Variants in USP12 observed in about 807,000 individuals in gnomAD.
USP12 encodes ubiquitin specific peptidase 12.
In USP12, 19 loss-of-function variants were observed where a neutral mutation model predicts 45.5. The ratio of observed to expected loss-of-function variants is 0.42; its 90% CI spans 0.29 to 0.61. The LOEUF (loss-of-function observed/expected upper bound fraction) is 0.61, where lower values mean the gene tolerates loss of function less well. Ranked by LOEUF, USP12 falls within the 20% of genes least tolerant of loss-of-function variation. The pLI is 0.22. For synonymous variants in USP12, 149 were observed against 148.8 expected, an observed-to-expected ratio of 1.00 and a Z score of -0.01; for missense variants, 242 against 447.7, an observed-to-expected ratio of 0.54 and a Z score of 4.15.
At chr13:27,136,251 C>T (rs1876799882) in intron 1 of USP12, among the ~76,000 whole-genome samples, 1 of 152,130 alleles carries the variant, frequency 6.6e-6, no homozygotes, top group African/African-American at 2.4e-5. Flanking sequence ...CCTGTAATTA[C>T]CCAGCACTTT....
At chr13:27,103,607 A>AAAAAATAAT (rs372985958) in intron 3 of USP12, among the ~76,000 whole-genome samples, 2,678 of 128,450 alleles carry the variant, frequency 0.021, 75 homozygotes, top group African/African-American at 0.055. Flanking sequence ...TCAAAAAAAA[A>AAAAAATAAT]AATAATAATA....
intron 2 of USP12, among the ~76,000 whole-genome samples, chr13:27,114,208 A>G (rs1875603606): frequency 6.6e-6 from 1 of 152,182 alleles, no homozygotes; most frequent in Non-Finnish European, 1.5e-5. Context: ...CATACAATAA[A>G]ACAATGAAAA....
At chr13:27,165,908 TG>T (rs1280646657) in intron 1 of USP12, among the ~76,000 whole-genome samples, 1 of 151,918 alleles carries the variant, frequency 6.6e-6, no homozygotes, top group Non-Finnish European at 1.5e-5. Context: ...GTTCTAGAAA[TG>T]GGCTACAGAG....
chr13:27,068,725 C>T lies in USP12; in HGVS notation c.*558G>A, dbSNP rs923939590. 1 of 153,956 alleles carries T rather than the reference C, an allele frequency of 6.5e-6. No individual in the cohort carries two copies. The highest frequency in any genetic ancestry group is 2.4e-5 in the African/African-American group (1 of 41,454). The allele number at this position is 153,956 out of a possible 1,614,324, so 9.5% of individuals were successfully genotyped here. A position where few individuals can be genotyped will look rare whatever the true frequency, so the allele number is the denominator to read the frequency against. Reference sequence around the variant, plus strand: ...TACTGTATATTATTATAAGCTTCTTCAGAGAAGCAAAACATCTTTGTCTTC... The same window carrying T: ...TACTGTATATTATTATAAGCTTCTTTAGAGAAGCAAAACATCTTTGTCTTC... On this transcript the variant is annotated 3_prime_UTR_variant, in exon 9 of 9. Coordinates refer to ENST00000282344, the MANE Select transcript of USP12 (RefSeq NM_182488.4).
Position 27,087,099 on chromosome 13 carries a change from CTG to C in USP12, c.734+2782_734+2783del, listed in dbSNP as rs72206222. Among the ~76,000 whole-genome samples, 462 of 146,400 alleles carry C rather than the reference CTG, an allele frequency of 3.2e-3. 1 individual carries two copies. Among genetic ancestry groups the C allele is most frequent in the Middle Eastern group, 7.0e-3 (2 of 286 alleles). On this transcript the variant is annotated intron_variant, in intron 6 of 8. Transcript: ENST00000282344. Reference sequence around the variant, plus strand: ...GGAAGTCAAAGCAGAGGGGAAGGGGCTGTGTGTGTGTGTGTGTGTGTGTGCGT... The same window carrying C: ...GGAAGTCAAAGCAGAGGGGAAGGGGCTGTGTGTGTGTGTGTGTGTGTGCGT...
chr13:27,075,242 G>A lies in USP12; in HGVS notation c.881C>T (p.Thr294Ile), dbSNP rs1873422944. 1 of 1,613,828 alleles carries A rather than the reference G, an allele frequency of 6.2e-7. No homozygotes were observed. Among genetic ancestry groups the A allele is most frequent in the African/African-American group, 1.3e-5 (1 of 74,914 alleles). ...AAGGTCGTACATTCTGTCTGGATTG[G>A]TGGCATCACCTGAAGTGTTAAACAG... ...LRLFNTSGDA[T>I]NPDRMYDLVA... Residue 294 changes from threonine to isoleucine, a missense_variant, in exon 7 of 9, where the codon ACC (threonine) becomes ATC (isoleucine). By Grantham distance (89) the Thr-to-Ile change is moderately conservative. Coordinates refer to ENST00000282344, the MANE Select transcript of USP12 (RefSeq NM_182488.4).
At chr13:27,134,545 T>TTCC (rs1876702525) in intron 1 of USP12, among the ~76,000 whole-genome samples, 1 of 152,046 alleles carries the variant, frequency 6.6e-6, no homozygotes, top group Non-Finnish European at 1.5e-5. Flanking sequence ...CCCTAAAGTC[T>TTCC]TCCATATTAC....
chr13:27,082,660 A>C (rs1362748449), intron 6 of USP12, among the ~76,000 whole-genome samples: 1 of 152,198 alleles, frequency 6.6e-6, no homozygotes, highest in East Asian at 1.9e-4. Context: ...TTTCACTTAA[A>C]GTGAGAGACA....
intron 3 of USP12, among the ~76,000 whole-genome samples, chr13:27,103,762 AG>A (rs762830461): frequency 1.5e-3 from 195 of 133,462 alleles, no homozygotes; most frequent in Middle Eastern, 0.011. Flanking sequence ...AAAAAAAAAA[AG>A]AGAGAGAGAC....
intron 4 of USP12, among the ~76,000 whole-genome samples, chr13:27,092,456 C>T (rs1378773783): frequency 6.6e-6 from 1 of 152,148 alleles, no homozygotes; most frequent in South Asian, 2.1e-4. Context: ...GACTACCTGA[C>T]TTTAAGACTT....
chr13:27,084,297 A>G (rs1383257311), intron 6 of USP12, among the ~76,000 whole-genome samples: 2 of 151,624 alleles, frequency 1.3e-5, no homozygotes, highest in Non-Finnish European at 2.9e-5. Context: ...CACAAGGTCA[A>G]AAGATTGAGA....
chr13:27,135,571 C>T lies in USP12; in HGVS notation c.49-18975G>A, dbSNP rs541984177. 2.0e-5 allele frequency among the ~76,000 whole-genome samples: 3 copies of T among 152,114 alleles called. No individual in the cohort carries two copies. In the South Asian group the frequency reaches 6.2e-4, roughly 32 times the overall value. Reference sequence around the variant, plus strand: ...CTGCAAAAAATCCAAAAAACTTAGCCGGGCATGGCAGCACACGCCTGTAAT... The same window carrying T: ...CTGCAAAAAATCCAAAAAACTTAGCTGGGCATGGCAGCACACGCCTGTAAT... On this transcript the variant is annotated intron_variant, in intron 1 of 8. Transcript: ENST00000282344.
chr13:27,076,448 C>A (rs1873490931), intron 6 of USP12, among the ~76,000 whole-genome samples: 1 of 152,174 alleles, frequency 6.6e-6, no homozygotes, highest in Admixed American at 6.5e-5. Flanking sequence ...CACCCTCTGG[C>A]ACAAATACAC....
chr13:27,168,359 A>C (rs1023568196), intron 1 of USP12, among the ~76,000 whole-genome samples: 1 of 152,220 alleles, frequency 6.6e-6, no homozygotes, highest in Non-Finnish European at 1.5e-5. Flanking sequence ...GCTAACATTT[A>C]TGGAGCTAAC....
chr13:27,069,896 G>A (rs1388800594), intron 8 of USP12, among the ~76,000 whole-genome samples: 2 of 152,130 alleles, frequency 1.3e-5, no homozygotes, highest in African/African-American at 4.8e-5. Flanking sequence ...GTGGTGAGCC[G>A]AGATCGCACC....
intron 4 of USP12, 91 bp from the exon 5 acceptor site, chr13:27,090,249 C>A: frequency 9.8e-7 from 1 of 1,017,952 alleles, no homozygotes; most frequent in South Asian, 1.8e-5. Flanking sequence ...CTATTATTAT[C>A]AGTAAGTAAA....
chr13:27,171,254 C>A (rs1457786361), intron 1 of USP12, among the ~76,000 whole-genome samples: 1 of 150,234 alleles, frequency 6.7e-6, no homozygotes, highest in African/African-American at 2.4e-5. Context: ...CGGCCCTCGT[C>A]CCCGCGTCCC....
At chr13:27,102,926 A>G (rs1398597871) in intron 3 of USP12, among the ~76,000 whole-genome samples, 1 of 152,230 alleles carries the variant, frequency 6.6e-6, no homozygotes, top group Non-Finnish European at 1.5e-5. Context: ...AGCAGGTAAC[A>G]TGCATGGAGC....
chr13:27,090,179 CT>C (rs1306278046), intron 4 of USP12, 21 bp from the exon 5 acceptor site: 5 of 1,557,772 alleles, frequency 3.2e-6, no homozygotes, highest in Non-Finnish European at 4.4e-6. Context: ...AGTGAATTGT[CT>C]TTGATTTTTT....
Sources: allele counts gnomAD v4.1 joint callset (sites outside exome capture counted in the v4.1 genomes callset), GRCh38; gene constraint gnomAD v4.1.1; transcripts MANE v1.5; gene names NCBI Gene and HGNC (gene_info 2026-07-23, HGNC 2026-07-21).